The following GABRG2 variants were observed in gnomAD, a reference collection of about 807,000 sequenced individuals.
The protein encoded by GABRG2 is gamma-aminobutyric acid receptor subunit gamma-2.
A neutral mutation model predicts 56.4 loss-of-function variants in GABRG2; 16 were observed. The ratio of observed to expected loss-of-function variants is 0.28; its 90% CI spans 0.19 to 0.43. The LOEUF (loss-of-function observed/expected upper bound fraction) is 0.43. GABRG2 is among the 20% of genes least tolerant of loss of function. The pLI, the probability that GABRG2 is intolerant of heterozygous loss-of-function variation, is 1.00. For synonymous variants in GABRG2, 208 were observed against 205.5 expected (o/e 1.01, Z -0.10); for missense variants, 327 against 582.7 (o/e 0.56, Z 4.52).
Position 162,142,096 on chromosome 5 carries a change from A to G in GABRG2, c.770-68A>G, listed in dbSNP as rs572078258. 10 of 1,512,520 alleles carry G rather than the reference A, an allele frequency of 6.6e-6. No homozygotes were observed. The South Asian group carries it at 6.7e-5, about 10-fold the overall frequency. 93.7% of individuals were successfully genotyped at this position (1,512,520 alleles called of 1,614,324 possible). On this transcript the variant is annotated intron_variant, in intron 6 of 9. Transcript: ENST00000639213. Reference sequence around the variant, plus strand: ...ATGTGTGTGCATAACCATTAAATACATGCTTAGTTTTAATGTTTTCCAGTG... The same window carrying G: ...ATGTGTGTGCATAACCATTAAATACGTGCTTAGTTTTAATGTTTTCCAGTG...
At chr5:162,089,924 T>A (rs2113266945) in intron 1 of GABRG2, among the ~76,000 whole-genome samples, 1 of 152,272 alleles carries the variant, frequency 6.6e-6, no homozygotes, top group Non-Finnish European at 1.5e-5. Flanking sequence ...GCATGACTAA[T>A]CTTCACAATG....
intron 6 of GABRG2, among the ~76,000 whole-genome samples, chr5:162,121,839 G>C (rs1411913689): frequency 6.6e-6 from 1 of 151,968 alleles, no homozygotes; most frequent in African/African-American, 2.4e-5. Context: ...GGACAGAACA[G>C]AAAGAGCATC....
chr5:162,134,236 C>T (rs186635829), intron 6 of GABRG2, among the ~76,000 whole-genome samples: 1 of 152,084 alleles, frequency 6.6e-6, no homozygotes, highest in Non-Finnish European at 1.5e-5. Flanking sequence ...GATAAAGCAT[C>T]CTTCTTTGAT....
At chr5:162,075,168 G>C (rs1758995339) in intron 1 of GABRG2, among the ~76,000 whole-genome samples, 1 of 152,126 alleles carries the variant, frequency 6.6e-6, no homozygotes, top group Admixed American at 6.6e-5. Flanking sequence ...CTTCTTAGCA[G>C]TGTACCACAT....
At chr5:162,089,098 C>T (rs890131974) in intron 1 of GABRG2, among the ~76,000 whole-genome samples, 2 of 151,974 alleles carry the variant, frequency 1.3e-5, no homozygotes, top group Admixed American at 1.3e-4. Flanking sequence ...ATAAGATAGT[C>T]AGAAATGGTC....
intron 1 of GABRG2, among the ~76,000 whole-genome samples, chr5:162,079,595 T>G (rs1759483449): frequency 1.3e-5 from 2 of 151,964 alleles, no homozygotes; most frequent in South Asian, 4.1e-4. Context: ...AAAGCCTATA[T>G]TCTAGGAGAA....
At chr5:162,089,823 T>G (rs1011313110) in intron 1 of GABRG2, among the ~76,000 whole-genome samples, 10 of 152,106 alleles carry the variant, frequency 6.6e-5, no homozygotes, top group Non-Finnish European at 1.0e-4. Flanking sequence ...GGGCAATGAC[T>G]AGATTTTCCT....
At position 162,151,649 on chromosome 5, in the gene GABRG2, GTCTC is replaced by G. The variant is rs1210471503; in HGVS notation, c.1129-75_1129-72del. Reference sequence around the variant, plus strand: ...TCAAAATGTATTTTTAATTTATCTTGTCTCTCTCTTTTTTTTTCATTTTTTTTCT... The same window carrying G: ...TCAAAATGTATTTTTAATTTATCTTGTCTCTTTTTTTTTCATTTTTTTTCT... On this transcript the variant is annotated intron_variant, in intron 8 of 9. Transcript: ENST00000639213. 16 of 1,187,840 alleles carry G rather than the reference GTCTC, an allele frequency of 1.3e-5. No individual in the cohort carries two copies. The African/African-American group carries it at 2.0e-4, about 15-fold the overall frequency. The allele number at this position is 1,187,840 out of a possible 1,614,324, so 73.6% of individuals were successfully genotyped here.
intron 6 of GABRG2, among the ~76,000 whole-genome samples, chr5:162,141,130 G>T (rs1037776359): frequency 2.6e-5 from 4 of 151,886 alleles, no homozygotes; most frequent in Non-Finnish European, 5.9e-5. Flanking sequence ...TCCGCCTCCC[G>T]GGTTCACGCC....
chr5:162,119,064 T>C (rs1440672342), intron 6 of GABRG2, among the ~76,000 whole-genome samples: 1 of 152,120 alleles, frequency 6.6e-6, no homozygotes, highest in Non-Finnish European at 1.5e-5. Context: ...TTAAGTCATT[T>C]GAGAATTGAA....
intron 1 of GABRG2, among the ~76,000 whole-genome samples, chr5:162,078,695 G>A (rs1231238452): frequency 2.6e-5 from 4 of 151,462 alleles, no homozygotes; most frequent in South Asian, 4.2e-4. Context: ...ATGAGCCACC[G>A]TGCCCGGCCA....
chr5:162,067,534 C>T (rs140269779), upstream of GABRG2: 56 of 425,856 alleles, frequency 1.3e-4, no homozygotes, highest in African/African-American at 8.0e-4. Context: ...GATTTTTTTC[C>T]TATTTATTTT....
intron 5 of GABRG2, chr5:162,101,572 C>A (rs1581359618): frequency 2.1e-6 from 1 of 482,830 alleles, no homozygotes; most frequent in Non-Finnish European, 3.7e-6. Context: ...ATATTGGTTG[C>A]ATAGAGCCTT....
chr5:162,092,679 A>G (rs1760693167), intron 1 of GABRG2, among the ~76,000 whole-genome samples: 2 of 152,174 alleles, frequency 1.3e-5, no homozygotes, highest in Non-Finnish European at 2.9e-5. Context: ...TGGCTTGAGA[A>G]TATATGAATA....
At chr5:162,133,698 G>C (rs1763917134) in intron 6 of GABRG2, among the ~76,000 whole-genome samples, 1 of 152,072 alleles carries the variant, frequency 6.6e-6, no homozygotes, top group South Asian at 2.1e-4. Flanking sequence ...CATTGGGCTA[G>C]GCATCTGTGG....
intron 7 of GABRG2, among the ~76,000 whole-genome samples, chr5:162,147,202 T>C (rs1170209103): frequency 1.3e-5 from 2 of 150,800 alleles, no homozygotes; most frequent in African/African-American, 5.0e-5. Flanking sequence ...TTTCTCTTTC[T>C]TTCTTTCTTC....
intron 6 of GABRG2, among the ~76,000 whole-genome samples, chr5:162,105,271 T>A (rs990665513): frequency 2.0e-5 from 3 of 152,146 alleles, no homozygotes; most frequent in African/African-American, 7.2e-5. Context: ...TATCTGGCTG[T>A]AACATTGTTT....
chr5:162,093,714 A>G, intron 1 of GABRG2, 114 bp from the exon 2 acceptor site: 2 of 985,440 alleles, frequency 2.0e-6, no homozygotes, highest in South Asian at 1.3e-5. Flanking sequence ...GAGAATTTTC[A>G]GTTTAAACAT....
chr5:162,120,169 A>G (rs930187693), intron 6 of GABRG2, among the ~76,000 whole-genome samples: 2 of 152,142 alleles, frequency 1.3e-5, no homozygotes, highest in Non-Finnish European at 2.9e-5. Context: ...ATCAGGTGCT[A>G]TATGTTTTAT....
Sources: allele counts gnomAD v4.1 joint callset (sites outside exome capture counted in the v4.1 genomes callset), GRCh38; gene constraint gnomAD v4.1.1; transcripts MANE v1.5; gene names NCBI Gene and HGNC (gene_info 2026-07-23, HGNC 2026-07-21).